The following ITGA1 variants were observed in gnomAD, a reference collection of about 807,000 sequenced individuals.
ITGA1 encodes integrin alpha-1.
In ITGA1, 85 loss-of-function variants were observed where a neutral mutation model predicts 145.9. That is an observed-to-expected ratio of 0.58 (90% confidence interval 0.49 to 0.70). The LOEUF (loss-of-function observed/expected upper bound fraction) is 0.70, where lower values mean the gene tolerates loss of function less well. ITGA1 is among the 30% of genes least tolerant of loss of function. ITGA1 has a pLI of 0.00. For synonymous variants in ITGA1, 520 were observed against 495.3 expected (o/e 1.05, Z -0.66); for missense variants, 1,351 against 1,418.7 (o/e 0.95, Z 0.77).
intron 1 of ITGA1, among the ~76,000 whole-genome samples, chr5:52,789,162 G>T (rs367797950): frequency 1.3e-5 from 2 of 152,152 alleles, no homozygotes; most frequent in South Asian, 4.1e-4. Context: ...ATAGCATTTT[G>T]TAAGATTTTC....
At chr5:52,823,963 G>GA (rs1473901459) in intron 1 of ITGA1, among the ~76,000 whole-genome samples, 3 of 152,174 alleles carry the variant, frequency 2.0e-5, no homozygotes, top group Non-Finnish European at 4.4e-5. Context: ...ACATTCTGGT[G>GA]ATAGTATGTC....
chr5:52,873,721 A>G (rs1054140750), intron 6 of ITGA1, among the ~76,000 whole-genome samples: 4 of 152,240 alleles, frequency 2.6e-5, no homozygotes, highest in African/African-American at 4.8e-5. Context: ...AAGGAAATAT[A>G]CATTGGCCAG....
rs530656992 is a variant in ITGA1, at chr5:52,861,363, A to G, written c.183-84A>G. Reference sequence around the variant, plus strand: ...TATCTGATTATGAGTGTTATTGTCAATTATCTTAAAATCAGTCATAAAACA... The same window carrying G: ...TATCTGATTATGAGTGTTATTGTCAGTTATCTTAAAATCAGTCATAAAACA... On this transcript the variant is annotated intron_variant, in intron 2 of 28. Coordinates refer to ENST00000282588, the MANE Select transcript of ITGA1 (RefSeq NM_181501.2). The G allele has an allele frequency of 6.3e-5, 50 of 791,606 alleles. 1 individual carries two copies. The highest frequency in any genetic ancestry group is 1.0e-4 in the Non-Finnish European group (48 of 466,008). 49.0% of individuals were successfully genotyped at this position (791,606 alleles called of 1,614,324 possible).
chr5:52,933,929 A>G lies in ITGA1; in HGVS notation c.2897A>G (p.Asn966Ser), dbSNP rs539547486. 101 of 1,538,734 alleles carry G rather than the reference A, an allele frequency of 6.6e-5. 1 individual carries two copies. The South Asian group carries it at 1.0e-3, about 15-fold the overall frequency. Reference protein sequence around the residue: ...ASEYHISIAANETVPEVINST... With the variant: ...ASEYHISIAASETVPEVINST... The stretch of plus-strand genomic sequence containing the variant: ...GAATACCACATTTCAATTGCTGCCA[A>G]TGAGACAGTCCCTGAAGTTATTAAT... Residue 966 changes from asparagine (N) to serine (S), a missense_variant, in exon 23 of 29, where the codon AAT (asparagine) becomes AGT (serine). Asn to Ser is a conservative substitution (Grantham distance 46). Coordinates refer to ENST00000282588, the MANE Select transcript of ITGA1 (RefSeq NM_181501.2).
intron 11 of ITGA1, among the ~76,000 whole-genome samples, chr5:52,900,952 A>T (rs1361379705): frequency 1.3e-5 from 2 of 152,150 alleles, no homozygotes; most frequent in African/African-American, 4.8e-5. Context: ...TCCTCTTATT[A>T]GTATTGTGGT....
intron 18 of ITGA1, among the ~76,000 whole-genome samples, chr5:52,924,711 T>C (rs1196352900): frequency 2.6e-4 from 40 of 152,128 alleles, no homozygotes; most frequent in Non-Finnish European, 7.4e-5. Flanking sequence ...ATGAGAATGC[T>C]TGGGTGTGAG....
chr5:52,800,114 T>TG (rs1748430148), intron 1 of ITGA1: 1 of 399,850 alleles, frequency 2.5e-6, no homozygotes, highest in South Asian at 3.0e-5. Flanking sequence ...AGCCCGCTGT[T>TG]GCGTGCTGCC....
Position 52,937,412 on chromosome 5 carries a change from T to A in ITGA1, c.2976T>A (p.Ser992Arg), listed in dbSNP as rs1205269052. 1 of 1,607,098 alleles carries A rather than the reference T, an allele frequency of 6.2e-7. No homozygotes were observed. Among genetic ancestry groups the A allele is most frequent in the Non-Finnish European group, 8.5e-7 (1 of 1,173,760 alleles). Reference protein sequence around the residue: ...EINIFYLIRKSGSFPMPELKL... With the variant: ...EINIFYLIRKRGSFPMPELKL... ...TTTTTTTCTTGTAGATTAGAAAAAG[T>A]GGATCTTTTCCAATGCCAGAGCTTA... is the stretch of plus-strand genomic sequence containing the variant. The change falls in exon 24 of 29, where the codon AGT (serine) becomes AGA (arginine). Residue 992 changes from serine (S) to arginine (R), a missense_variant. Ser to Arg is a moderately radical substitution (Grantham distance 110). Transcript: ENST00000282588.
At chr5:52,819,050 A>T (rs924911497) in intron 1 of ITGA1, among the ~76,000 whole-genome samples, 2 of 152,128 alleles carry the variant, frequency 1.3e-5, no homozygotes, top group Admixed American at 1.3e-4. Flanking sequence ...AGAGTTGTAG[A>T]TAGAAAACGG....
chr5:52,929,006 A>G (rs1158812613), intron 20 of ITGA1, among the ~76,000 whole-genome samples: 2 of 152,202 alleles, frequency 1.3e-5, no homozygotes, highest in African/African-American at 4.8e-5. Context: ...TGTTGGGCCT[A>G]GAGCAAGAGC....
rs957124216 is a variant in ITGA1, at chr5:52,914,695, A to G, written c.1858-769A>G. On this transcript the variant is annotated intron_variant, in intron 14 of 28. Coordinates refer to ENST00000282588, the MANE Select transcript of ITGA1 (RefSeq NM_181501.2). ...TTTGCCTTAGTAGGCTTCTTATTTT[A>G]TGTTATTTATGTGGAAAACAAGAGG... is the stretch of plus-strand genomic sequence containing the variant. 3.3e-5 allele frequency among the ~76,000 whole-genome samples: 5 copies of G among 152,110 alleles called. 1 individual carries two copies. Among genetic ancestry groups the G allele is most frequent in the African/African-American group, 9.7e-5 (4 of 41,430 alleles).
intron 1 of ITGA1, among the ~76,000 whole-genome samples, chr5:52,815,058 A>G (rs756859674): frequency 6.6e-6 from 1 of 152,178 alleles, no homozygotes; most frequent in Non-Finnish European, 1.5e-5. Context: ...TAGCCTAAAC[A>G]TTGTTTTCCA....
At chr5:52,940,315 G>A (rs1227162952) in intron 26 of ITGA1, among the ~76,000 whole-genome samples, 1 of 128,940 alleles carries the variant, frequency 7.8e-6, no homozygotes, top group East Asian at 2.7e-4. Context: ...CAGTAACAAA[G>A]GAAAGAGCTA....
chr5:52,893,934 C>CTTTTTTT (rs35782834), intron 9 of ITGA1, 94 bp downstream of exon 9: 3 of 681,876 alleles, frequency 4.4e-6, no homozygotes, highest in Non-Finnish European at 7.0e-6. Flanking sequence ...ATCAGTAATA[C>CTTTTTTT]TTTTTTTTTT....
chr5:52,814,430 C>T (rs1305526213), intron 1 of ITGA1, among the ~76,000 whole-genome samples: 7 of 152,052 alleles, frequency 4.6e-5, no homozygotes, highest in Non-Finnish European at 7.4e-5. Flanking sequence ...GAGCACTGTG[C>T]GAGCCCACAA....
At chr5:52,884,263 G>A (rs2111808635) in intron 7 of ITGA1, among the ~76,000 whole-genome samples, 1 of 152,094 alleles carries the variant, frequency 6.6e-6, no homozygotes, top group East Asian at 1.9e-4. Flanking sequence ...GGCCAACATG[G>A]TGAAACCCCA....
intron 1 of ITGA1, among the ~76,000 whole-genome samples, chr5:52,809,502 CTTTTTTTT>C (rs59067853): frequency 8.2e-6 from 1 of 122,438 alleles, no homozygotes; most frequent in Admixed American, 8.5e-5. Context: ...CTCAACTTTA[CTTTTTTTT>C]TTTTTTTTTT....
At chr5:52,927,869 G>T (rs923836) in intron 20 of ITGA1, among the ~76,000 whole-genome samples, 69,862 of 152,028 alleles carry the variant, frequency 0.46, 16,942 homozygotes, top group Non-Finnish European at 0.53. Context: ...TCCCCAATGT[G>T]ATCGTAGTAA....
At chr5:52,856,713 A>AG (rs1749519017) in intron 2 of ITGA1, among the ~76,000 whole-genome samples, 1 of 133,974 alleles carries the variant, frequency 7.5e-6, no homozygotes, top group African/African-American at 2.9e-5. Context: ...AGAGAGAGAG[A>AG]AGCCACTAGG....
Sources: allele counts gnomAD v4.1 joint callset (sites outside exome capture counted in the v4.1 genomes callset), GRCh38; gene constraint gnomAD v4.1.1; transcripts MANE v1.5; gene names NCBI Gene and HGNC (gene_info 2026-07-23, HGNC 2026-07-21).